Variants in MIR2052HG observed in about 807,000 individuals in gnomAD.
MIR2052HG encodes the protein MIR2052 host gene.
chr8:74,712,700 C>CT (rs34899536), intron 4 of MIR2052HG, among the ~76,000 whole-genome samples: 86,306 of 143,380 alleles, frequency 0.6, 25,981 homozygotes, highest in East Asian at 0.75. Flanking sequence ...CTTTTTCTGC[C>CT]TTTTTTTTTT....
At chr8:74,634,799 C>G (rs554872077) in intron 2 of MIR2052HG, among the ~76,000 whole-genome samples, 2 of 152,014 alleles carry the variant, frequency 1.3e-5, no homozygotes, top group African/African-American at 4.8e-5. Context: ...AAACGGACAA[C>G]GAAATCTGAG....
chr8:74,608,077 A>T (rs961745917), intron 1 of MIR2052HG, among the ~76,000 whole-genome samples: 4 of 152,152 alleles, frequency 2.6e-5, no homozygotes, highest in African/African-American at 9.7e-5. Flanking sequence ...TTGGGTTGTA[A>T]ATTGGCGGCT....
At chr8:74,604,416 AG>A (rs1166259212) in intron 1 of MIR2052HG, among the ~76,000 whole-genome samples, 2 of 71,066 alleles carry the variant, frequency 2.8e-5, no homozygotes, top group Admixed American at 3.3e-4. Flanking sequence ...CGGGAAGGTG[AG>A]GGGGGGCCCC....
intron 4 of MIR2052HG, among the ~76,000 whole-genome samples, chr8:74,749,205 C>T (rs767214933): frequency 1.3e-5 from 2 of 152,124 alleles, no homozygotes; most frequent in African/African-American, 2.4e-5. Context: ...ATACTGTCAG[C>T]ATCCTATCAG....
chr8:74,709,805 C>G (rs1449303000), intron 4 of MIR2052HG, among the ~76,000 whole-genome samples: 1 of 152,124 alleles, frequency 6.6e-6, no homozygotes, highest in Non-Finnish European at 1.5e-5. Flanking sequence ...TCTTCACTTT[C>G]TGAAGCTTCT....
At chr8:74,739,068 C>T (rs1809800088) in intron 4 of MIR2052HG, among the ~76,000 whole-genome samples, 1 of 152,162 alleles carries the variant, frequency 6.6e-6, no homozygotes, top group East Asian at 1.9e-4. Flanking sequence ...ATTAAAATGG[C>T]AAACAGTTGC....
Position 74,601,258 on chromosome 8 carries a change from A to T in MIR2052HG, n.128+1350A>T, listed in dbSNP as rs189487798. Among the ~76,000 whole-genome samples, 22 of 152,344 alleles carry T rather than the reference A, an allele frequency of 1.4e-4. No homozygotes were observed. In the East Asian group the frequency reaches 4.2e-3, roughly 29 times the overall value. On this transcript the variant is annotated intron_variant and non_coding_transcript_variant, in intron 1 of 6. Coordinates refer to ENST00000523442, the Ensembl canonical transcript of MIR2052HG. ...TCTGTAATCATTCAAGCTTTATCAA[A>T]TTTATTATGTCTCAAAGCACTCCAA...
chr8:74,687,762 A>G (rs1809198019), intron 2 of MIR2052HG, among the ~76,000 whole-genome samples: 1 of 152,178 alleles, frequency 6.6e-6, no homozygotes, highest in Non-Finnish European at 1.5e-5. Flanking sequence ...GCTGTATAAC[A>G]TAATACTTAT....
intron 2 of MIR2052HG, among the ~76,000 whole-genome samples, chr8:74,666,300 GC>G (rs1159533839): frequency 6.6e-6 from 1 of 151,918 alleles, no homozygotes; most frequent in Non-Finnish European, 1.5e-5. Flanking sequence ...CTTAAAACCT[GC>G]CAATGTCTTT....
chr8:74,723,333 A>C (rs1809598578), intron 4 of MIR2052HG, among the ~76,000 whole-genome samples: 1 of 152,232 alleles, frequency 6.6e-6, no homozygotes, highest in African/African-American at 2.4e-5. Flanking sequence ...AATTGATGGA[A>C]TCCACCAGGA....
chr8:74,720,009 C>T (rs990675254), intron 4 of MIR2052HG, among the ~76,000 whole-genome samples: 9 of 151,660 alleles, frequency 5.9e-5, no homozygotes, highest in Non-Finnish European at 8.8e-5. Flanking sequence ...CTGCCATGCC[C>T]GGCTAATTTG....
chr8:74,643,359 A>C (rs1424170790), intron 2 of MIR2052HG, among the ~76,000 whole-genome samples: 1 of 152,236 alleles, frequency 6.6e-6, no homozygotes, highest in Non-Finnish European at 1.5e-5. Flanking sequence ...AATTAAAAAA[A>C]AAATTCTTTA....
intron 5 of MIR2052HG, among the ~76,000 whole-genome samples, chr8:74,754,080 C>T (rs972166004): frequency 1.3e-5 from 2 of 152,092 alleles, no homozygotes; most frequent in East Asian, 3.9e-4. Context: ...TGCAGTATCT[C>T]GAGCAAGTTT....
intron 5 of MIR2052HG, among the ~76,000 whole-genome samples, chr8:74,752,732 G>A (rs1809960871): frequency 6.6e-6 from 1 of 152,082 alleles, no homozygotes; most frequent in African/African-American, 2.4e-5. Flanking sequence ...TCTCTCCTTG[G>A]CATTTACTAA....
At chr8:74,695,009 C>A (rs1312093116) in intron 2 of MIR2052HG, among the ~76,000 whole-genome samples, 3 of 152,120 alleles carry the variant, frequency 2.0e-5, no homozygotes, top group African/African-American at 7.2e-5. Context: ...AGTTAATAAC[C>A]TATGCACGTA....
At chr8:74,729,581 C>A (rs1465269065) in intron 4 of MIR2052HG, among the ~76,000 whole-genome samples, 1 of 151,850 alleles carries the variant, frequency 6.6e-6, no homozygotes. Flanking sequence ...ATAAAAAAAT[C>A]AAAATGAAAA....
intron 1 of MIR2052HG, among the ~76,000 whole-genome samples, chr8:74,605,272 A>G (rs1370710869): frequency 6.6e-6 from 1 of 152,252 alleles, no homozygotes; most frequent in Non-Finnish European, 1.5e-5. Flanking sequence ...GATATAATAC[A>G]GACACAGCAA....
At chr8:74,722,270 G>T (rs533621077) in intron 4 of MIR2052HG, among the ~76,000 whole-genome samples, 1 of 152,276 alleles carries the variant, frequency 6.6e-6, no homozygotes, top group Non-Finnish European at 1.5e-5. Context: ...CTCTGCAGAA[G>T]GCTCTTGCAT....
At chr8:74,657,788 T>A (rs191559809) in intron 2 of MIR2052HG, among the ~76,000 whole-genome samples, 1 of 152,286 alleles carries the variant, frequency 6.6e-6, no homozygotes, top group African/African-American at 2.4e-5. Flanking sequence ...CATGATTCAA[T>A]TACTTCCCAC....
Sources: gnomAD v4.1 joint callset for allele counts (sites outside exome capture counted in the v4.1 genomes callset) on GRCh38, gnomAD v4.1.1 for gene constraint, MANE v1.5 for transcripts, NCBI Gene and HGNC (gene_info 2026-07-23, HGNC 2026-07-21) for gene names.